The following PCDHGB4 variants were observed in gnomAD, a reference collection of about 807,000 sequenced individuals.
The protein encoded by PCDHGB4 is protocadherin gamma subfamily B, 4.
PCDHGB4 carries 38 observed loss-of-function variants against 60.5 expected under a neutral mutation model. The ratio of observed to expected loss-of-function variants is 0.63; its 90% CI spans 0.48 to 0.82. The LOEUF is 0.82. PCDHGB4 is among the 40% of genes least tolerant of loss of function. The pLI is 0.00. For synonymous variants in PCDHGB4, 456 were observed against 509.7 expected (o/e 0.89, Z 1.42); for missense variants, 1,109 against 1,209.6 (o/e 0.92, Z 1.23).
At chr5:141,402,353 GA>G (rs1261209598) in intron 1 of PCDHGB4, among the ~76,000 whole-genome samples, 2 of 151,844 alleles carry the variant, frequency 1.3e-5, no homozygotes, top group Non-Finnish European at 2.9e-5. Context: ...AATTAAAAAT[GA>G]ATGTACTTCC....
Position 141,477,858 on chromosome 5 carries a change from C to T in PCDHGB4, c.2398-16949C>T. 2 of 1,613,572 alleles carry T rather than the reference C, an allele frequency of 1.2e-6. No individual in the cohort carries two copies. Among genetic ancestry groups the T allele is most frequent in the Non-Finnish European group, 1.7e-6 (2 of 1,179,842 alleles). ...GGTGGGAGCTCGGTGGAGATGCTGC[C>T]TCGAGGTACCTCAGCTGGCCACCTA... On this transcript the variant is annotated intron_variant, in intron 1 of 3. Transcript: ENST00000519479. This position sits in a 1 kb window ranked among gnomAD's most constrained non-coding sequence, Gnocchi z 4.9.
At position 141,393,567 on chromosome 5, in the gene PCDHGB4, C is replaced by T. The variant is rs766591189; in HGVS notation, c.2397+3286C>T. 6 of 1,613,798 alleles carry T rather than the reference C, an allele frequency of 3.7e-6. No homozygotes were observed. The African/African-American group carries it at 6.7e-5, about 18-fold the overall frequency. ...TCACCCGATTTACCGAGTGAAAGTC[C>T]TTGAGAACATGCCCCCAGGCACGCG... On this transcript the variant is annotated intron_variant, in intron 1 of 3. Transcript: ENST00000519479.
rs1317111249 is a variant in PCDHGB4, at chr5:141,413,333, C to A, written c.2397+23052C>A. 3.1e-6 allele frequency: 5 copies of A among 1,613,966 alleles called. No individual in the cohort carries two copies. The Admixed American group carries it at 6.7e-5, about 22-fold the overall frequency. On this transcript the variant is annotated intron_variant, in intron 1 of 3. Coordinates refer to ENST00000519479, the MANE Select transcript of PCDHGB4 (RefSeq NM_003736.4). ...AAAGGCTCTTTCGTGGGCAACATCTCCAAGGACTTGGGTCTGGCGCCCCGG... is the reference window on the plus strand; with the variant it reads ...AAAGGCTCTTTCGTGGGCAACATCTACAAGGACTTGGGTCTGGCGCCCCGG...
Position 141,487,494 on chromosome 5 carries a change from C to A in PCDHGB4, c.2398-7313C>A, listed in dbSNP as rs116370895. On this transcript the variant is annotated intron_variant, in intron 1 of 3. Transcript: ENST00000519479. The surrounding 1 kb of genome is among the most constrained non-coding windows in gnomAD (Gnocchi z 5.0). The stretch of plus-strand genomic sequence containing the variant: ...GGAGGCCACTCTCATGGCTGTACAC[C>A]CTTGGCTTCTGCACCCACTCGGAGT... 1,421 of 1,614,120 alleles carry A rather than the reference C, an allele frequency of 8.8e-4. 3 individuals are homozygous for A. Among genetic ancestry groups the A allele is most frequent in the Non-Finnish European group, 1.2e-3 (1,358 of 1,180,034 alleles).
chr5:141,419,945 T>C (rs2096451536), intron 1 of PCDHGB4: 4 of 1,614,088 alleles, frequency 2.5e-6, no homozygotes, highest in Middle Eastern at 1.6e-4. Context: ...GGTGGTGGCC[T>C]TGGCCTTGAT....
At position 141,477,742 on chromosome 5, in the gene PCDHGB4, G is replaced by C; in HGVS notation, c.2398-17065G>C. 2 of 1,613,800 alleles carry C rather than the reference G, an allele frequency of 1.2e-6. No individual in the cohort carries two copies. Among genetic ancestry groups the C allele is most frequent in the Non-Finnish European group, 1.7e-6 (2 of 1,180,030 alleles). ...AATTAACAGCTCATATCAGCGATGG[G>C]GGCACCCCGGTCCTAGCCACCAACA... On this transcript the variant is annotated intron_variant, in intron 1 of 3. Coordinates refer to ENST00000519479, the MANE Select transcript of PCDHGB4 (RefSeq NM_003736.4). The surrounding 1 kb of genome is among the most constrained non-coding windows in gnomAD (Gnocchi z 4.9).
At chr5:141,433,318 G>A (rs1659490277) in intron 1 of PCDHGB4, 2 of 788,746 alleles carry the variant, frequency 2.5e-6, no homozygotes, top group Non-Finnish European at 4.0e-6. Context: ...CTTTGCCTCC[G>A]GTGTAACAGG....
At chr5:141,413,498 T>G (rs1187570193) in intron 1 of PCDHGB4, 1 of 1,614,026 alleles carries the variant, frequency 6.2e-7, no homozygotes, top group Admixed American at 1.7e-5. Context: ...CGGTGCGTGG[T>G]GAGTTTTAAT....
rs1029546280 is a variant in PCDHGB4 at position 141,423,551 on chromosome 5, A to G, written c.2397+33270A>G. On this transcript the variant is annotated intron_variant, in intron 1 of 3. Coordinates refer to ENST00000519479, the MANE Select transcript of PCDHGB4 (RefSeq NM_003736.4). ...AGTCACCTGATTTTCCCCCAGCCCA[A>G]CTATGGGGACACGCTCATCAGCCAG... The G allele has an allele frequency of 2.5e-6, 4 of 1,613,498 alleles. No individual in the cohort carries two copies. The African/African-American group carries it at 5.3e-5, about 22-fold the overall frequency.
intron 1 of PCDHGB4, chr5:141,417,766 C>G: frequency 6.9e-7 from 1 of 1,442,472 alleles, no homozygotes; most frequent in Non-Finnish European, 9.1e-7. Flanking sequence ...AGACCCGGGA[C>G]TCCTCCTGTC....
At chr5:141,405,355 A>G in intron 1 of PCDHGB4, 2 of 1,613,990 alleles carry the variant, frequency 1.2e-6, no homozygotes, top group South Asian at 1.1e-5. Flanking sequence ...AGTTTCCTAT[A>G]GAAGACACCC....
At chr5:141,392,229 TTC>T (rs1184019586) in intron 1 of PCDHGB4, 5 of 152,224 alleles carry the variant, frequency 3.3e-5, no homozygotes, top group Admixed American at 6.5e-5. Context: ...ACAACTGAAG[TTC>T]TTAGTTATTT....
intron 1 of PCDHGB4, among the ~76,000 whole-genome samples, chr5:141,483,557 G>A (rs141633312): frequency 4.5e-4 from 69 of 152,276 alleles, no homozygotes; most frequent in Admixed American, 1.9e-3. Context: ...GCCATTCACA[G>A]AGACAGTGAA....
rs375363587 is a variant in PCDHGB4 at position 141,414,524 on chromosome 5, A to G, written c.2397+24243A>G. On this transcript the variant is annotated intron_variant, in intron 1 of 3. Coordinates refer to ENST00000519479, the MANE Select transcript of PCDHGB4 (RefSeq NM_003736.4). ...TTTATGCTACAAGTGGCAGATATCA[A>G]TGACAACCCACCTACCTTCTCTCAA... 105 of 1,613,844 alleles carry G rather than the reference A, an allele frequency of 6.5e-5. 1 individual carries two copies. In the South Asian group the frequency reaches 7.2e-4, roughly 11 times the overall value.
chr5:141,505,570 C>A, intron 3 of PCDHGB4, 89 bp downstream of exon 3: 1 of 1,598,160 alleles, frequency 6.3e-7, no homozygotes, highest in South Asian at 1.1e-5. Context: ...GACTGGATGT[C>A]AAACCTGTGT....
At chr5:141,425,018 T>C (rs2096853023) in intron 1 of PCDHGB4, among the ~76,000 whole-genome samples, 1 of 152,224 alleles carries the variant, frequency 6.6e-6, no homozygotes, top group Non-Finnish European at 1.5e-5. Context: ...TTTAGGAATT[T>C]ACCTTATGTC....
intron 1 of PCDHGB4, chr5:141,413,151 T>G (rs1192899612): frequency 6.4e-7 from 1 of 1,573,560 alleles, no homozygotes; most frequent in Non-Finnish European, 8.6e-7. Context: ...GTGAGGACTT[T>G]GCAGAATTCT....
At chr5:141,397,027 G>A (rs1374788251) in intron 1 of PCDHGB4, among the ~76,000 whole-genome samples, 1 of 152,200 alleles carries the variant, frequency 6.6e-6, no homozygotes, top group Non-Finnish European at 1.5e-5. Flanking sequence ...GTTGACCAAT[G>A]TCCACAAATT....
intron 1 of PCDHGB4, among the ~76,000 whole-genome samples, chr5:141,481,478 T>C (rs2099538352): frequency 6.6e-6 from 1 of 152,232 alleles, no homozygotes; most frequent in African/African-American, 2.4e-5. Context: ...GATTATACAC[T>C]TTAAATATGT....
Sources: gnomAD v4.1 joint callset for allele counts (sites outside exome capture counted in the v4.1 genomes callset) on GRCh38, gnomAD v4.1.1 for gene constraint, Gnocchi (gnomAD v3.1) non-coding constraint, MANE v1.5 for transcripts, NCBI Gene and HGNC (gene_info 2026-07-23, HGNC 2026-07-21) for gene names.